DOCK3: variants seen among roughly 807,000 people sequenced by gnomAD.
DOCK3 encodes the protein dedicator of cytokinesis protein 3.
DOCK3 carries 60 observed loss-of-function variants against 265.6 expected under a neutral mutation model. That is an observed-to-expected ratio of 0.23 (90% confidence interval 0.18 to 0.28). The LOEUF is 0.28. DOCK3 is among the 10% of genes least tolerant of loss of function. DOCK3 has a pLI of 1.00. For synonymous variants in DOCK3, 881 were observed against 938.0 expected (o/e 0.94, Z 1.11); for missense variants, 1,981 against 2,594.3 (o/e 0.76, Z 5.14).
At chr3:50,971,390 C>T (rs780576119) in intron 5 of DOCK3, among the ~76,000 whole-genome samples, 1 of 151,870 alleles carries the variant, frequency 6.6e-6, no homozygotes, top group Non-Finnish European at 1.5e-5. Context: ...TGTATAGGGT[C>T]ATTAGGTTCT....
chr3:50,889,164 A>G (rs968625717), intron 3 of DOCK3, among the ~76,000 whole-genome samples: 12 of 151,202 alleles, frequency 7.9e-5, no homozygotes, highest in Non-Finnish European at 1.2e-4. Context: ...TGGTGCTATC[A>G]TAGCTCACTG....
intron 22 of DOCK3, among the ~76,000 whole-genome samples, chr3:51,257,773 C>T (rs1194436119): frequency 6.6e-6 from 1 of 152,216 alleles, no homozygotes; most frequent in African/African-American, 2.4e-5. Context: ...ATTGTCTCTA[C>T]ACAGTATTAG....
At chr3:51,008,410 C>T (rs900002483) in intron 5 of DOCK3, among the ~76,000 whole-genome samples, 2 of 152,142 alleles carry the variant, frequency 1.3e-5, no homozygotes, top group African/African-American at 4.8e-5. Flanking sequence ...GGAGTTCACT[C>T]GTGATTTGGC....
chr3:50,702,522 C>T (rs1460595924), intron 1 of DOCK3, among the ~76,000 whole-genome samples: 1 of 152,064 alleles, frequency 6.6e-6, no homozygotes, highest in East Asian at 1.9e-4. Context: ...CATCACCACA[C>T]CCAGCTAATT....
intron 3 of DOCK3, among the ~76,000 whole-genome samples, chr3:50,869,253 C>T (rs1236505178): frequency 4.0e-5 from 6 of 150,350 alleles, no homozygotes; most frequent in Non-Finnish European, 5.9e-5. Flanking sequence ...GGATTACAGG[C>T]GTGAGCCGCT....
intron 5 of DOCK3, among the ~76,000 whole-genome samples, chr3:51,002,877 A>T (rs1036225174): frequency 6.6e-6 from 1 of 152,152 alleles, no homozygotes; most frequent in South Asian, 2.1e-4. Flanking sequence ...TTCAACCTCA[A>T]AGTATTTGAA....
intron 27 of DOCK3, among the ~76,000 whole-genome samples, chr3:51,308,924 G>C (rs1187415748): frequency 6.6e-6 from 1 of 151,630 alleles, no homozygotes; most frequent in East Asian, 1.9e-4. Context: ...GCCGGGCAGA[G>C]ACGCTCCTCA....
chr3:50,699,801 C>A (rs1255120137), intron 1 of DOCK3, among the ~76,000 whole-genome samples: 9 of 152,112 alleles, frequency 5.9e-5, no homozygotes, highest in Non-Finnish European at 1.3e-4. Context: ...AGACAAAAGT[C>A]TACTACTGAA....
At chr3:51,078,979 C>CCACA (rs2082139447) in intron 7 of DOCK3, among the ~76,000 whole-genome samples, 1 of 152,094 alleles carries the variant, frequency 6.6e-6, no homozygotes, top group African/African-American at 2.4e-5. Context: ...TTATAAGAGT[C>CCACA]CACACATTTA....
chr3:51,054,310 G>A (rs556988149), intron 5 of DOCK3, among the ~76,000 whole-genome samples: 1 of 152,046 alleles, frequency 6.6e-6, no homozygotes, highest in East Asian at 1.9e-4. Context: ...TTCCAGTATT[G>A]TTGTTGAGAT....
At chr3:51,288,887 TGTGTGTGTGTGTGTGG>T (rs755631993) in intron 27 of DOCK3, among the ~76,000 whole-genome samples, 2 of 147,810 alleles carry the variant, frequency 1.4e-5, no homozygotes, top group South Asian at 2.1e-4. Context: ...TTTGTGTGGG[TGTGTGTGTGTGTGTGG>T]GTGTGTGTGT....
At chr3:51,128,860 G>A (rs528181665) in intron 9 of DOCK3, among the ~76,000 whole-genome samples, 4 of 152,306 alleles carry the variant, frequency 2.6e-5, no homozygotes, top group South Asian at 2.1e-4. Flanking sequence ...TGGCCACCTC[G>A]TTCATGGGTC....
At chr3:51,125,206 T>C (rs2084215712) in intron 9 of DOCK3, among the ~76,000 whole-genome samples, 1 of 152,186 alleles carries the variant, frequency 6.6e-6, no homozygotes, top group Non-Finnish European at 1.5e-5. Context: ...GACATTCTTA[T>C]ATTTTCAATG....
chr3:51,201,216 A>C (rs577718825), intron 12 of DOCK3, among the ~76,000 whole-genome samples: 1 of 151,320 alleles, frequency 6.6e-6, no homozygotes, highest in South Asian at 2.1e-4. Flanking sequence ...TCCAATTAAA[A>C]GACACAGACT....
At chr3:50,740,091 GATCTTATATAAATTGGTC>G (rs1412594585) in intron 1 of DOCK3, among the ~76,000 whole-genome samples, 1 of 151,936 alleles carries the variant, frequency 6.6e-6, no homozygotes, top group Non-Finnish European at 1.5e-5. Flanking sequence ...CATCTTCTAA[GATCTTATATAAATTGGTC>G]ATACTGTATG....
At chr3:51,340,364 T>A (rs746826381) in intron 37 of DOCK3, among the ~76,000 whole-genome samples, 3 of 152,088 alleles carry the variant, frequency 2.0e-5, no homozygotes, top group Non-Finnish European at 4.4e-5. Context: ...GGCTTCCTGA[T>A]CCCATGAGGA....
intron 1 of DOCK3, among the ~76,000 whole-genome samples, chr3:50,677,770 A>G (rs2107644258): frequency 6.6e-6 from 1 of 152,338 alleles, no homozygotes; most frequent in South Asian, 2.1e-4. Context: ...TAAGGCTTTG[A>G]GATCCTGTAG....
intron 1 of DOCK3, among the ~76,000 whole-genome samples, chr3:50,753,978 A>G (rs576559462): frequency 6.6e-6 from 1 of 152,026 alleles, no homozygotes; most frequent in Admixed American, 6.6e-5. Context: ...CAACATAGTG[A>G]AACCCCGTCT....
chr3:51,350,120 T>G (rs150246937), intron 39 of DOCK3, among the ~76,000 whole-genome samples, 168 bp from the exon 40 acceptor site: 3 of 152,278 alleles, frequency 2.0e-5, no homozygotes, highest in South Asian at 2.1e-4. Context: ...TCTTCCATGA[T>G]GAAACTCCCT....
Sources: allele counts gnomAD v4.1 joint callset (sites outside exome capture counted in the v4.1 genomes callset), GRCh38; gene constraint gnomAD v4.1.1; transcripts MANE v1.5; gene names NCBI Gene and HGNC (gene_info 2026-07-23, HGNC 2026-07-21).